Variants in COL4A6 observed in about 807,000 individuals in gnomAD.
The protein encoded by COL4A6 is collagen alpha-6(IV) chain.
COL4A6 carries 59 observed loss-of-function variants against 126.7 expected under a neutral mutation model. The ratio of observed to expected loss-of-function variants is 0.47; its 90% CI spans 0.38 to 0.58. COL4A6 has a LOEUF of 0.58. COL4A6 is among the 20% of genes least tolerant of loss of function. The probability of loss-of-function intolerance (pLI) is 0.00; values close to 1 mark genes in which losing one functional copy is unlikely to be tolerated. For synonymous variants in COL4A6, 547 were observed against 496.6 expected (o/e 1.10, Z -1.35); for missense variants, 1,285 against 1,337.3 (o/e 0.96, Z 0.61).
chrX:108,191,251 C>A (rs2035030982), intron 19 of COL4A6, 142 bp downstream of exon 19: 1 of 691,278 alleles, frequency 1.4e-6, no homozygotes, highest in Non-Finnish European at 2.1e-6. Context: ...GACGACGGGG[C>A]CTTCATGGCT....
intron 3 of COL4A6, among the ~76,000 whole-genome samples, chrX:108,246,172 T>C (rs1176607286): frequency 8.9e-6 from 1 of 112,162 alleles, no homozygotes; most frequent in African/African-American, 3.2e-5. Flanking sequence ...TTACTTACTA[T>C]CTGTGTGATC....
At chrX:108,219,852 C>A (rs997437001) in intron 4 of COL4A6, 110 bp from the exon 5 acceptor site, 29 of 509,506 alleles carry the variant, frequency 5.7e-5, no homozygotes, top group Non-Finnish European at 8.8e-5. Flanking sequence ...GTGTTTCGTA[C>A]CCCCCTCCCC....
chrX:108,193,668 G>A lies in COL4A6; in HGVS notation c.1032C>T (p.Gly344=). ...EGQKGDIGLP[G]PDVFIDIDGA... is the part of the protein sequence containing the mutation. ...CATCTATATCGATGAAAACATCTGG[G>A]CCTGGCAGGCCAATGTCACCCTTTT... Residue 344 remains glycine, a synonymous_variant, in exon 17 of 45, where the codon GGC becomes GGT. Coordinates refer to ENST00000334504, the MANE Select transcript of COL4A6 (RefSeq NM_033641.4). 6 of 1,208,753 alleles carry A rather than the reference G, an allele frequency of 5.0e-6. No homozygotes were observed. The highest frequency in any genetic ancestry group is 6.7e-6 in the Non-Finnish European group (6 of 893,172).
chrX:108,181,131 A>G (rs1334295518), intron 23 of COL4A6, among the ~76,000 whole-genome samples, 163 bp from the exon 24 acceptor site: 1 of 112,375 alleles, frequency 8.9e-6, no homozygotes, highest in Admixed American at 9.4e-5. Flanking sequence ...AGCTCTGGGG[A>G]GTTACAACCA....
intron 3 of COL4A6, among the ~76,000 whole-genome samples, chrX:108,275,895 CT>C (rs2147780854): frequency 8.9e-6 from 1 of 112,736 alleles, no homozygotes; most frequent in South Asian, 3.6e-4. Context: ...TAACCTTTGC[CT>C]TGGAAAATTC....
intron 2 of COL4A6, among the ~76,000 whole-genome samples, chrX:108,350,583 C>A (rs1470662321): frequency 9.0e-6 from 1 of 111,507 alleles, no homozygotes; most frequent in African/African-American, 3.3e-5. Context: ...CTAGGTAAAT[C>A]TATATATACA....
chrX:108,191,436 G>A lies in COL4A6; in HGVS notation c.1278C>T (p.Gly426=), dbSNP rs748786874. 45 of 1,209,515 alleles carry A rather than the reference G, an allele frequency of 3.7e-5. No individual in the cohort carries two copies. The highest frequency in any genetic ancestry group is 4.7e-5 in the Non-Finnish European group (42 of 894,965). The change falls in exon 19 of 45, where the codon GGC becomes GGT. Residue 426 remains glycine (G), a synonymous_variant. Coordinates refer to ENST00000334504, the MANE Select transcript of COL4A6 (RefSeq NM_033641.4). ...RTTIGAAGLP[G]RDGLPGPPGP... is the part of the protein sequence containing the mutation. ...CTGGTGGGCCTGGCAAACCATCTCT[G>A]CCAGGGAGGCCAGCTGCTCCAATTG...
chrX:108,300,099 A>T (rs1427769624), intron 3 of COL4A6, among the ~76,000 whole-genome samples: 2 of 110,998 alleles, frequency 1.8e-5, no homozygotes, highest in Admixed American at 9.6e-5. Context: ...AGAGAAAAGC[A>T]TCTAATAGTC....
chrX:108,238,176 G>C (rs1458781654), intron 3 of COL4A6, among the ~76,000 whole-genome samples: 9 of 104,468 alleles, frequency 8.6e-5, no homozygotes, highest in African/African-American at 2.5e-4. Flanking sequence ...GCATGATCTC[G>C]GCTCACTGCA....
intron 2 of COL4A6, among the ~76,000 whole-genome samples, chrX:108,372,202 C>A (rs960663669): frequency 1.8e-5 from 2 of 111,451 alleles, no homozygotes; most frequent in African/African-American, 6.5e-5. Context: ...CTTCCCACAG[C>A]AGTACCTAGC....
At chrX:108,187,003 C>A in intron 23 of COL4A6, 93 bp downstream of exon 23, 3 of 757,782 alleles carry the variant, frequency 4.0e-6, no homozygotes, top group Non-Finnish European at 5.4e-6. Flanking sequence ...TCAGACAAGT[C>A]TCTTCTTATG....
intron 2 of COL4A6, among the ~76,000 whole-genome samples, chrX:108,403,868 A>G (rs1028838058): frequency 1.3e-4 from 14 of 111,740 alleles, no homozygotes; most frequent in African/African-American, 4.2e-4. Flanking sequence ...GTAAAACTGT[A>G]TATCTAAATT....
At chrX:108,253,303 G>A (rs1454403430) in intron 3 of COL4A6, among the ~76,000 whole-genome samples, 2 of 111,877 alleles carry the variant, frequency 1.8e-5, no homozygotes, top group African/African-American at 6.5e-5. Context: ...AAGCAAAGTT[G>A]TAGGACACAA....
chrX:108,269,367 T>C (rs754052647), intron 3 of COL4A6, among the ~76,000 whole-genome samples: 15 of 110,959 alleles, frequency 1.4e-4, no homozygotes, highest in Admixed American at 2.9e-4. Context: ...GATTTAAGAG[T>C]GCAAATGTAC....
chrX:108,367,822 G>A (rs939232279), intron 2 of COL4A6, among the ~76,000 whole-genome samples: 1 of 111,275 alleles, frequency 9.0e-6, no homozygotes, highest in Non-Finnish European at 1.9e-5. Context: ...TCGATTTACT[G>A]GTCCTACACA....
chrX:108,396,445 T>C (rs2040965779), intron 2 of COL4A6, among the ~76,000 whole-genome samples: 1 of 111,895 alleles, frequency 8.9e-6, no homozygotes, highest in Non-Finnish European at 1.9e-5. Context: ...TTTCCCAAAT[T>C]GAGTGAATTC....
Position 108,176,939 on chromosome X carries a change from C to T in COL4A6, c.2588G>A (p.Gly863Glu). 8.3e-7 allele frequency: 1 copy of T among 1,211,520 alleles called. No individual in the cohort carries two copies. Among genetic ancestry groups the T allele is most frequent in the Non-Finnish European group, 1.1e-6 (1 of 895,240 alleles). ...TGGATTTCCAGGAAGGCCTTTTAGC[C>T]CTGGCAGCCCTTTCTTTACAATTGA... ...PGSIVKKGLP[G>E]LKGLPGNPGL... The change falls in exon 28 of 45, where the codon GGG (glycine) becomes GAG (glutamate). Residue 863 changes from glycine to glutamate, a missense_variant. Coordinates refer to ENST00000334504, the MANE Select transcript of COL4A6 (RefSeq NM_033641.4).
intron 2 of COL4A6, among the ~76,000 whole-genome samples, chrX:108,433,361 C>T (rs1382506405): frequency 4.5e-5 from 5 of 111,317 alleles, no homozygotes; most frequent in Non-Finnish European, 9.4e-5. Flanking sequence ...ATCTGCCTCA[C>T]TGGGACATTC....
At chrX:108,365,095 C>T (rs983075093) in intron 2 of COL4A6, among the ~76,000 whole-genome samples, 4 of 111,727 alleles carry the variant, frequency 3.6e-5, no homozygotes, top group East Asian at 2.8e-4. Flanking sequence ...CCTGAGGGTT[C>T]GTACTCAACT....
Sources: gnomAD v4.1 joint callset for allele counts (sites outside exome capture counted in the v4.1 genomes callset) on GRCh38, gnomAD v4.1.1 for gene constraint, MANE v1.5 for transcripts, NCBI Gene and HGNC (gene_info 2026-07-23, HGNC 2026-07-21) for gene names.